The following ELOVL6 variants were observed in gnomAD, a reference collection of about 807,000 sequenced individuals.
ELOVL6 encodes the protein very long chain fatty acid elongase 6.
In ELOVL6, 8 loss-of-function variants were observed where a neutral mutation model predicts 31.7. That is an observed-to-expected ratio of 0.25 (90% CI 0.15 to 0.45). The LOEUF is 0.45. Ranked by LOEUF, ELOVL6 falls within the 20% of genes least tolerant of loss-of-function variation. ELOVL6 has a pLI of 1.00. For missense variants in ELOVL6, 126 were observed against 326.4 expected (o/e 0.39, Z 4.73); for synonymous variants, 101 against 117.7 (o/e 0.86, Z 0.92).
chr4:110,180,694 G>A (rs1759246106), intron 1 of ELOVL6, among the ~76,000 whole-genome samples: 1 of 152,182 alleles, frequency 6.6e-6, no homozygotes, highest in African/African-American at 2.4e-5. Flanking sequence ...TTACAGGCAT[G>A]AGCCACCACA....
intron 1 of ELOVL6, among the ~76,000 whole-genome samples, chr4:110,111,038 T>C (rs150900117): frequency 6.6e-6 from 1 of 152,330 alleles, no homozygotes; most frequent in Non-Finnish European, 1.5e-5. Flanking sequence ...ATCCTTGAAG[T>C]AGGCCATAAG....
intron 2 of ELOVL6, among the ~76,000 whole-genome samples, chr4:110,077,236 G>C (rs1016398377): frequency 3.3e-5 from 5 of 152,220 alleles, no homozygotes; most frequent in African/African-American, 9.6e-5. Flanking sequence ...GCTTTGAAGA[G>C]AGTAGTGGTT....
chr4:110,081,286 T>C (rs1051067801), intron 2 of ELOVL6, among the ~76,000 whole-genome samples: 1 of 152,124 alleles, frequency 6.6e-6, no homozygotes, highest in Non-Finnish European at 1.5e-5. Context: ...CATTGCCAAG[T>C]CAATCCTAAG....
chr4:110,049,574 G>A lies in ELOVL6; in HGVS notation c.*1764C>T, dbSNP rs1165379016. Reference sequence around the variant, plus strand: ...CTGTACACTCTCAAAGCAAGAAAGAGAAACAACAGTTTTGTTTTGTTTTTT... The same window carrying A: ...CTGTACACTCTCAAAGCAAGAAAGAAAAACAACAGTTTTGTTTTGTTTTTT... On this transcript the variant is annotated 3_prime_UTR_variant, in exon 4 of 4. Coordinates refer to ENST00000302274, the MANE Select transcript of ELOVL6 (RefSeq NM_024090.3). 2 of 152,328 alleles carry A rather than the reference G, an allele frequency of 1.3e-5. No homozygotes were observed. The highest frequency in any genetic ancestry group is 2.4e-5 in the African/African-American group (1 of 41,334). The allele number at this position is 152,328 out of a possible 1,614,324, so 9.4% of individuals were successfully genotyped here. A position where few individuals can be genotyped will look rare whatever the true frequency, so the allele number is the denominator to read the frequency against.
intron 1 of ELOVL6, among the ~76,000 whole-genome samples, chr4:110,122,701 A>G (rs1306337437): frequency 1.3e-5 from 2 of 152,136 alleles, no homozygotes; most frequent in East Asian, 1.9e-4. Flanking sequence ...ACATGGTTCA[A>G]ATGGTTTCAC....
At chr4:110,087,215 T>C (rs1341783499) in intron 2 of ELOVL6, among the ~76,000 whole-genome samples, 1 of 152,108 alleles carries the variant, frequency 6.6e-6, no homozygotes. Flanking sequence ...CCCACAAGGA[T>C]TTGATGAATT....
chr4:110,068,029 T>C (rs1755356771), intron 2 of ELOVL6, among the ~76,000 whole-genome samples: 1 of 152,188 alleles, frequency 6.6e-6, no homozygotes, highest in African/African-American at 2.4e-5. Context: ...AGCTGGAGCT[T>C]TTAGTCTAGT....
chr4:110,133,911 G>T (rs1193244971), intron 1 of ELOVL6, among the ~76,000 whole-genome samples: 1 of 152,096 alleles, frequency 6.6e-6, no homozygotes, highest in African/African-American at 2.4e-5. Flanking sequence ...ATTACCAGAA[G>T]CCTGTTTACA....
At chr4:110,156,099 G>A (rs758328368) in intron 1 of ELOVL6, among the ~76,000 whole-genome samples, 23 of 152,206 alleles carry the variant, frequency 1.5e-4, no homozygotes, top group Admixed American at 3.3e-4. Flanking sequence ...TAGAAAATAA[G>A]AAGGGGAAGA....
At chr4:110,052,761 G>A (rs1754868005) in intron 3 of ELOVL6, among the ~76,000 whole-genome samples, 1 of 152,156 alleles carries the variant, frequency 6.6e-6, no homozygotes, top group African/African-American at 2.4e-5. Context: ...TTACATTAGC[G>A]AGTAAGAAAA....
rs972013167 is a variant in ELOVL6 at position 110,048,448 on chromosome 4, G to A, written c.*2890C>T. 6.6e-5 allele frequency: 10 copies of A among 152,080 alleles called. No individual in the cohort carries two copies. The highest frequency in any genetic ancestry group is 2.1e-4 in the South Asian group (1 of 4,808). 9.4% of individuals were successfully genotyped at this position (152,080 alleles called of 1,614,324 possible). A position where few individuals can be genotyped will look rare whatever the true frequency, so the allele number is the denominator to read the frequency against. ...ACAATGCTTTCACCATAGTAGGATC[G>A]GGATGCAGTGGAAAATCTTCAATAG... On this transcript the variant is annotated 3_prime_UTR_variant, in exon 4 of 4. Coordinates refer to ENST00000302274, the MANE Select transcript of ELOVL6 (RefSeq NM_024090.3).
intron 1 of ELOVL6, among the ~76,000 whole-genome samples, chr4:110,185,838 CTGAAAGGGGCTT>C (rs1316459479): frequency 3.9e-5 from 6 of 152,084 alleles, no homozygotes; most frequent in Admixed American, 3.9e-4. Context: ...GTATAATGGA[CTGAAAGGGGCTT>C]CCTGAGAAGT....
chr4:110,057,406 G>A (rs557111109), intron 3 of ELOVL6, among the ~76,000 whole-genome samples: 1 of 152,084 alleles, frequency 6.6e-6, no homozygotes, highest in Non-Finnish European at 1.5e-5. Context: ...GGGAAATCAC[G>A]TTTCATGCAT....
At chr4:110,189,329 G>A (rs772092702) in intron 1 of ELOVL6, among the ~76,000 whole-genome samples, 2 of 152,004 alleles carry the variant, frequency 1.3e-5, no homozygotes, top group South Asian at 2.1e-4. Flanking sequence ...GCTCACGCCT[G>A]TAGTCCCAAA....
At chr4:110,158,501 G>T (rs1758517893) in intron 1 of ELOVL6, among the ~76,000 whole-genome samples, 1 of 140,164 alleles carries the variant, frequency 7.1e-6, no homozygotes, top group African/African-American at 2.5e-5. Flanking sequence ...GATCAGTCAA[G>T]AACCAGGACA....
chr4:110,163,441 G>A (rs1358192837), intron 1 of ELOVL6, among the ~76,000 whole-genome samples: 1 of 152,166 alleles, frequency 6.6e-6, no homozygotes, highest in Non-Finnish European at 1.5e-5. Context: ...TGGTATGAAC[G>A]GTCTCTGAGA....
At position 110,084,045 on chromosome 4, in the gene ELOVL6, C is replaced by CATGCTATATATGATATATAACATATAT. The variant is rs1560813715; in HGVS notation, c.221+21425_221+21451dup. On this transcript the variant is annotated intron_variant, in intron 2 of 3. Transcript: ENST00000302274. ...CATATGCCATATATGGTATATAACA[C>CATGCTATATATGATATATAACATATAT]ATGCTATATATGATATATAACATAT... Among the ~76,000 whole-genome samples, 29 of 24,768 alleles carry CATGCTATATATGATATATAACATATAT rather than the reference C, an allele frequency of 1.2e-3. 3 individuals are homozygous for CATGCTATATATGATATATAACATATAT. Among genetic ancestry groups the CATGCTATATATGATATATAACATATAT allele is most frequent in the Non-Finnish European group, 1.9e-3 (19 of 9,984 alleles). 16.2% of individuals were successfully genotyped at this position (24,768 alleles called of 152,430 possible). A position where few individuals can be genotyped will look rare whatever the true frequency, so the allele number is the denominator to read the frequency against.
chr4:110,096,872 T>A (rs946020342), intron 2 of ELOVL6, among the ~76,000 whole-genome samples: 1 of 152,168 alleles, frequency 6.6e-6, no homozygotes, highest in Non-Finnish European at 1.5e-5. Context: ...TAGGCAGTTA[T>A]GTGAATGTGT....
At chr4:110,186,227 G>GA (rs926323662) in intron 1 of ELOVL6, among the ~76,000 whole-genome samples, 8 of 151,462 alleles carry the variant, frequency 5.3e-5, no homozygotes, top group African/African-American at 1.5e-4. Context: ...AAAACAAACA[G>GA]AAAAAAAATA....
Sources: allele counts gnomAD v4.1 joint callset (sites outside exome capture counted in the v4.1 genomes callset), GRCh38; gene constraint gnomAD v4.1.1; transcripts MANE v1.5; gene names NCBI Gene and HGNC (gene_info 2026-07-23, HGNC 2026-07-21).